Variants in SLX9 observed in about 807,000 individuals in gnomAD.
SLX9 encodes the protein ribosome biogenesis protein SLX9 homolog.
In SLX9, 19 loss-of-function variants were observed where a neutral mutation model predicts 20.8. That is an observed-to-expected ratio of 0.91 (90% CI 0.64 to 1.34). The LOEUF (loss-of-function observed/expected upper bound fraction) is 1.34. SLX9 is among the 40% of genes most tolerant of loss of function. SLX9 has a pLI of 0.00. For synonymous variants in SLX9, 113 were observed against 137.1 expected (o/e 0.82, Z 1.23); for missense variants, 299 against 322.2 (o/e 0.93, Z 0.55).
intron 2 of SLX9, among the ~76,000 whole-genome samples, chr21:44,951,532 G>A (rs568407866): frequency 6.6e-6 from 1 of 152,250 alleles, no homozygotes; most frequent in African/African-American, 2.4e-5. Context: ...GAGACTTGAA[G>A]GTTAGGGATC....
intron 4 of SLX9, among the ~76,000 whole-genome samples, chr21:44,972,383 C>T (rs114546631): frequency 0.034 from 5,152 of 152,248 alleles, 318 homozygotes; most frequent in African/African-American, 0.12. Context: ...CGCGGGCAGC[C>T]GGAGCCTGCC....
At chr21:44,969,419 C>A (rs949463105) in intron 4 of SLX9, among the ~76,000 whole-genome samples, 10 of 152,228 alleles carry the variant, frequency 6.6e-5, no homozygotes, top group Admixed American at 3.3e-4. Context: ...CAACACCCAG[C>A]CCCCAGGCCG....
intron 2 of SLX9, among the ~76,000 whole-genome samples, chr21:44,950,117 G>A (rs13052436): frequency 0.41 from 61,123 of 149,610 alleles, 14,931 homozygotes; most frequent in South Asian, 0.65. Flanking sequence ...TTTTTTTTAA[G>A]ATAACTGGAA....
chr21:44,963,121 G>T (rs1341110377), intron 3 of SLX9, among the ~76,000 whole-genome samples: 1 of 143,924 alleles, frequency 6.9e-6, no homozygotes, highest in Non-Finnish European at 1.5e-5. Flanking sequence ...ATAGAGTCTT[G>T]CTCTGTCGCC....
intron 2 of SLX9, among the ~76,000 whole-genome samples, chr21:44,944,935 G>C (rs552828622): frequency 6.6e-6 from 1 of 152,362 alleles, no homozygotes; most frequent in African/African-American, 2.4e-5. Context: ...TTTGAGATGA[G>C]GTAGTTGGTG....
intron 5 of SLX9, among the ~76,000 whole-genome samples, chr21:44,974,727 C>T (rs1278611813): frequency 6.6e-6 from 1 of 152,128 alleles, no homozygotes; most frequent in Non-Finnish European, 1.5e-5. Flanking sequence ...TTGTGTTTGT[C>T]CTCTTTGGTT....
Position 44,967,179 on chromosome 21 carries a change from C to G in SLX9, c.498C>G (p.Arg166=). Residue 166 remains arginine (R), a splice_region_variant and synonymous_variant, in exon 4 of 6, where the codon CGC becomes CGG. Coordinates refer to ENST00000291634, the MANE Select transcript of SLX9 (RefSeq NM_058190.4). ...AGGCTGGCAGCCGGCGCCAAGCCCG[C>G]AGGTGAGTGTCCGGGAGGGGTGGCC... ...GLEAGSRRQA[R]SRESNKPRPS... 1 of 1,580,048 alleles carries G rather than the reference C, an allele frequency of 6.3e-7. No homozygotes were observed.
intron 3 of SLX9, among the ~76,000 whole-genome samples, chr21:44,966,282 G>C (rs1441821630): frequency 2.0e-5 from 3 of 152,066 alleles, no homozygotes; most frequent in Non-Finnish European, 4.4e-5. Context: ...ATTCCCCCCA[G>C]GGGGCACAGG....
At chr21:44,942,751 G>T (rs969568875) in intron 1 of SLX9, among the ~76,000 whole-genome samples, 13 of 152,176 alleles carry the variant, frequency 8.5e-5, no homozygotes, top group African/African-American at 2.9e-4. Flanking sequence ...AGGTTGAACG[G>T]AGGTGGTTGT....
At chr21:44,962,071 G>A (rs964307258) in intron 3 of SLX9, among the ~76,000 whole-genome samples, 1 of 152,190 alleles carries the variant, frequency 6.6e-6, no homozygotes, top group African/African-American at 2.4e-5. Flanking sequence ...ACCAACATGG[G>A]TTTTTAAAAA....
chr21:44,961,770 T>C (rs1030403334), intron 3 of SLX9, among the ~76,000 whole-genome samples: 1 of 152,258 alleles, frequency 6.6e-6, no homozygotes, highest in African/African-American at 2.4e-5. Flanking sequence ...TTCTACTCTT[T>C]TGTCTTCAAA....
chr21:44,951,974 T>G (rs1478553419), intron 2 of SLX9, among the ~76,000 whole-genome samples: 1 of 133,678 alleles, frequency 7.5e-6, no homozygotes, highest in Admixed American at 7.0e-5. Flanking sequence ...ACCTGGTCCC[T>G]GTCCTGGAGC....
At chr21:44,960,565 G>T (rs8126844) in intron 3 of SLX9, among the ~76,000 whole-genome samples, 5,478 of 152,294 alleles carry the variant, frequency 0.036, 358 homozygotes, top group African/African-American at 0.12. Flanking sequence ...ACCTGTGCTC[G>T]TGGAGTTTTT....
chr21:44,965,575 T>A (rs2085019323), intron 3 of SLX9, among the ~76,000 whole-genome samples: 1 of 152,222 alleles, frequency 6.6e-6, no homozygotes. Flanking sequence ...TTGTGCAGAA[T>A]CCTCTGCACA....
At chr21:44,957,110 C>T (rs543390327) in intron 2 of SLX9, among the ~76,000 whole-genome samples, 3 of 152,344 alleles carry the variant, frequency 2.0e-5, no homozygotes, top group African/African-American at 7.2e-5. Flanking sequence ...TCTCTCTGTG[C>T]GGGGCCATTC....
chr21:44,974,096 G>A (rs552615376), intron 5 of SLX9, among the ~76,000 whole-genome samples: 50 of 152,346 alleles, frequency 3.3e-4, no homozygotes, highest in African/African-American at 8.7e-4. Flanking sequence ...GACCACGCAC[G>A]CTCTCTTGCC....
At chr21:44,961,132 G>C (rs1052775570) in intron 3 of SLX9, among the ~76,000 whole-genome samples, 1 of 152,184 alleles carries the variant, frequency 6.6e-6, no homozygotes, top group Non-Finnish European at 1.5e-5. Context: ...GCATAGCTGT[G>C]AAAGTGGATT....
chr21:44,952,647 A>G (rs2084780194), intron 2 of SLX9, among the ~76,000 whole-genome samples: 1 of 152,190 alleles, frequency 6.6e-6, no homozygotes, highest in East Asian at 1.9e-4. Context: ...GGCTGGGTGG[A>G]CAGTTGGGGT....
At chr21:44,976,076 TGA>T (rs1167583565) in intron 5 of SLX9, among the ~76,000 whole-genome samples, 6 of 152,250 alleles carry the variant, frequency 3.9e-5, no homozygotes, top group Non-Finnish European at 7.3e-5. Context: ...CTTCTGTGCC[TGA>T]GAGGGGACCC....
Sources: allele counts gnomAD v4.1 joint callset (sites outside exome capture counted in the v4.1 genomes callset), GRCh38; gene constraint gnomAD v4.1.1; transcripts MANE v1.5; gene names NCBI Gene and HGNC (gene_info 2026-07-23, HGNC 2026-07-21).